TTLL10: variants seen among roughly 807,000 people sequenced by gnomAD.
TTLL10 encodes inactive polyglycylase TTLL10.
Under a neutral mutation model 69.0 loss-of-function variants are expected in TTLL10, and 61 were observed. That is an observed-to-expected ratio of 0.88 (90% CI 0.72 to 1.09). TTLL10 has a LOEUF of 1.09. Ranked by LOEUF, TTLL10 falls within the 50% of genes least tolerant of loss-of-function variation. TTLL10 has a pLI of 0.00. For missense variants in TTLL10, 962 were observed against 945.9 expected (o/e 1.02, Z -0.22); for synonymous variants, 408 against 393.3 (o/e 1.04, Z -0.44).
Position 1,195,055 on chromosome 1 carries a change from C to A in TTLL10, c.1402-1545C>A, listed in dbSNP as rs537719404. On this transcript the variant is annotated intron_variant, in intron 13 of 15. Transcript: ENST00000379289. Reference sequence around the variant, plus strand: ...CCAAGATGGAGTGCAGTGGTGCAATCTCAGCTCACTGCAGCCTCCTCCTTC... The same window carrying A: ...CCAAGATGGAGTGCAGTGGTGCAATATCAGCTCACTGCAGCCTCCTCCTTC... Among the ~76,000 whole-genome samples the A allele has an allele frequency of 2.0e-5, 3 of 152,298 alleles. No individual in the cohort carries two copies. The East Asian group carries it at 5.8e-4, about 29-fold the overall frequency.
intron 7 of TTLL10, 23 bp from the exon 8 acceptor site, chr1:1,180,708 G>T: frequency 6.3e-7 from 1 of 1,595,746 alleles, no homozygotes; most frequent in East Asian, 2.3e-5. Flanking sequence ...CCCTCCACAC[G>T]AGCCCTGGCC....
At chr1:1,180,665 A>T in intron 7 of TTLL10, 64 bp downstream of exon 7, 1 of 1,561,150 alleles carries the variant, frequency 6.4e-7, no homozygotes, top group Non-Finnish European at 8.7e-7. Flanking sequence ...AGCACAGGGC[A>T]GGTTGGAGGG....
At position 1,180,353 on chromosome 1, in the gene TTLL10, C is replaced by G; in HGVS notation, c.506+13C>G. On this transcript the variant is annotated intron_variant, in intron 6 of 15. Transcript: ENST00000379289. ...ACGGGGCCACAATGTGAGTAGCGGC[C>G]CTGGGCGCCCGTGGTCCCACTGAAT... is the stretch of plus-strand genomic sequence containing the variant. 6.4e-7 allele frequency: 1 copy of G among 1,551,488 alleles called. No individual in the cohort carries two copies. Among genetic ancestry groups the G allele is most frequent in the Non-Finnish European group, 8.7e-7 (1 of 1,147,756 alleles).
chr1:1,175,103 G>A (rs967679066), intron 3 of TTLL10: 2 of 157,270 alleles, frequency 1.3e-5, no homozygotes, highest in African/African-American at 4.8e-5. Flanking sequence ...GCGACAGAGT[G>A]AGACTTCGTC....
At chr1:1,177,456 C>A (rs533660569) in intron 3 of TTLL10, among the ~76,000 whole-genome samples, 1 of 152,160 alleles carries the variant, frequency 6.6e-6, no homozygotes, top group Admixed American at 6.5e-5. Flanking sequence ...GGACTACAGG[C>A]GCCCAACACC....
rs1648311251 is a variant in TTLL10 at position 1,197,463 on chromosome 1, G to A, written c.1638G>A (p.Lys546=). Residue 546 remains lysine, a synonymous_variant, in exon 16 of 16, where the codon AAG becomes AAA. Transcript: ENST00000379289. ...TLDLVLETFR[K]SLRGQKMLPL... ...ACCTGGTGCTCGAGACCTTCCGGAAGAGCCTGCGCGGCCAGAAGATGTTGC... is the reference window on the plus strand; with the variant it reads ...ACCTGGTGCTCGAGACCTTCCGGAAAAGCCTGCGCGGCCAGAAGATGTTGC... The A allele has an allele frequency of 6.5e-7, 1 of 1,539,546 alleles. No individual in the cohort carries two copies. Among genetic ancestry groups the A allele is most frequent in the Admixed American group, 2.0e-5 (1 of 50,220 alleles).
At chr1:1,194,189 G>T (rs570646412) in intron 13 of TTLL10, among the ~76,000 whole-genome samples, 6 of 152,048 alleles carry the variant, frequency 3.9e-5, no homozygotes, top group Admixed American at 1.3e-4. Flanking sequence ...AAACAATTCA[G>T]TTTTTTATTA....
chr1:1,184,241 G>GC (rs1206082813), intron 12 of TTLL10, 150 bp downstream of exon 12: 2 of 1,135,520 alleles, frequency 1.8e-6, no homozygotes, highest in Admixed American at 2.3e-5. Flanking sequence ...AGCCTGGGCT[G>GC]CCCCCGCTGG....
In TTLL10 at chr1:1,181,441, A is replaced by C. The variant is rs1647065313; in HGVS notation, c.756-300A>C. Among the ~76,000 whole-genome samples the C allele has an allele frequency of 1.3e-5, 2 of 151,004 alleles. No individual in the cohort carries two copies. Among genetic ancestry groups the C allele is most frequent in the African/African-American group, 2.4e-5 (1 of 41,018 alleles). ...TCTATGGACCCACCTATCCCTCCTC[A>C]CTTCATTTGGCCCAGACATTTTTGC... On this transcript the variant is annotated intron_variant, in intron 8 of 15. Transcript: ENST00000379289. The surrounding 1 kb of genome is among the most constrained non-coding windows in gnomAD (Gnocchi z 4.6).
At position 1,195,500 on chromosome 1, in the gene TTLL10, C is replaced by CTTTTTTTTTTTTTTTTTTTTTTTTTT. The variant is rs1168016636; in HGVS notation, c.1402-1082_1402-1081insTTTTTTTTTTTTTTTTTTTTTTTTTT. Among the ~76,000 whole-genome samples the CTTTTTTTTTTTTTTTTTTTTTTTTTT allele has an allele frequency of 3.8e-4, 38 of 98,758 alleles. 6 individuals carry two copies. In the East Asian group the frequency reaches 4.2e-3, roughly 11 times the overall value. The allele number at this position is 98,758 out of a possible 152,430, so 64.8% of individuals were successfully genotyped here. On this transcript the variant is annotated intron_variant, in intron 13 of 15. Coordinates refer to ENST00000379289, the MANE Select transcript of TTLL10 (RefSeq NM_001130045.2). The stretch of plus-strand genomic sequence containing the variant: ...TATTTGATAAGACATCATCGTCATA[C>CTTTTTTTTTTTTTTTTTTTTTTTTTT]TTTTTTTTTTTTTTTTTTAGTTTTA...
At position 1,197,703 on chromosome 1, in the gene TTLL10, C is replaced by T. The variant is rs1212060102; in HGVS notation, c.1878C>T (p.Gly626=). ...TGCCGCAGCGTCCCCGGCCACCCGGCCCCGACCTGGACAGCGCCCACGATG... is the reference window on the plus strand; with the variant it reads ...TGCCGCAGCGTCCCCGGCCACCCGGTCCCGACCTGGACAGCGCCCACGATG... ...PLVPQRPRPP[G]PDLDSAHDGE... is the part of the protein sequence containing the mutation. The change falls in exon 16 of 16, where the codon GGC becomes GGT. Residue 626 remains glycine, a synonymous_variant. Transcript: ENST00000379289. 6 of 1,519,608 alleles carry T rather than the reference C, an allele frequency of 3.9e-6. No individual in the cohort carries two copies. The highest frequency in any genetic ancestry group is 4.1e-5 in the Admixed American group (2 of 49,362). 94.1% of individuals were successfully genotyped at this position (1,519,608 alleles called of 1,614,324 possible).
At position 1,179,746 on chromosome 1, in the gene TTLL10, G is replaced by A; in HGVS notation, c.199+9G>A. The A allele has an allele frequency of 6.5e-7, 1 of 1,544,538 alleles. No homozygotes were observed. The highest frequency in any genetic ancestry group is 8.7e-7 in the Non-Finnish European group (1 of 1,144,356). On this transcript the variant is annotated intron_variant, in intron 5 of 15. Coordinates refer to ENST00000379289, the MANE Select transcript of TTLL10 (RefSeq NM_001130045.2). ...AGGCCACTGCCCTGTTGGTGAGGAGGGTCGGAGGGGCGACCTCCCTGCCCC... is the reference window on the plus strand; with the variant it reads ...AGGCCACTGCCCTGTTGGTGAGGAGAGTCGGAGGGGCGACCTCCCTGCCCC...
Position 1,196,626 on chromosome 1 carries a change from C to T in TTLL10, c.1428C>T (p.His476=). The T allele has an allele frequency of 1.9e-6, 3 of 1,551,780 alleles. No individual in the cohort carries two copies. Among genetic ancestry groups the T allele is most frequent in the Non-Finnish European group, 2.6e-6 (3 of 1,146,970 alleles). Residue 476 remains histidine, a synonymous_variant, in exon 14 of 16, where the codon CAC becomes CAT. Coordinates refer to ENST00000379289, the MANE Select transcript of TTLL10 (RefSeq NM_001130045.2). The part of the protein sequence containing the change: ...LKKRMQQIMA[H]CFLAAKPKLD... ...AGCGGATGCAGCAGATCATGGCCCACTGCTTTCTGGCCGCCAAGCCCAAGC... is the reference window on the plus strand; with the variant it reads ...AGCGGATGCAGCAGATCATGGCCCATTGCTTTCTGGCCGCCAAGCCCAAGC...
In TTLL10 at chr1:1,185,548, T is replaced by A. The variant is rs1434422638; in HGVS notation, c.1401+439T>A. 1 of 999,976 alleles carries A rather than the reference T, an allele frequency of 1.0e-6. No homozygotes were observed. The highest frequency in any genetic ancestry group is 1.2e-6 in the Non-Finnish European group (1 of 840,254). 61.9% of individuals were successfully genotyped at this position (999,976 alleles called of 1,614,324 possible). A position where few individuals can be genotyped will look rare whatever the true frequency, so the allele number is the denominator to read the frequency against. On this transcript the variant is annotated intron_variant, in intron 13 of 15. Coordinates refer to ENST00000379289, the MANE Select transcript of TTLL10 (RefSeq NM_001130045.2). The surrounding 1 kb of genome is among the most constrained non-coding windows in gnomAD (Gnocchi z 6.1). Reference sequence around the variant, plus strand: ...TAGCTAAGGGCCATGTGCGGTGGAGTGTCCTAATTTTGCAGGGTTCCTTTC... The same window carrying A: ...TAGCTAAGGGCCATGTGCGGTGGAGAGTCCTAATTTTGCAGGGTTCCTTTC...
chr1:1,188,063 A>C (rs976391292), intron 13 of TTLL10, among the ~76,000 whole-genome samples: 3 of 152,054 alleles, frequency 2.0e-5, no homozygotes, highest in African/African-American at 7.3e-5. Flanking sequence ...ATTCTCTTGC[A>C]TGTGGCTATC....
chr1:1,197,822 A>G lies in TTLL10; in HGVS notation c.1997A>G (p.Glu666Gly), dbSNP rs1232581322. Reference sequence around the variant, plus strand: ...CCGGGGACAGCCAAGGAGGAACGCGAGGAGCCTGAGAACGCGAGGCCCTAG... The same window carrying G: ...CCGGGGACAGCCAAGGAGGAACGCGGGGAGCCTGAGAACGCGAGGCCCTAG... ...PSPGTAKEER[E>G]EPENARP Residue 666 changes from glutamate to glycine, a missense_variant, in exon 16 of 16, where the codon GAG (glutamate) becomes GGG (glycine). Physicochemically the swap from Glu to Gly is moderately conservative, Grantham distance 98. Coordinates refer to ENST00000379289, the MANE Select transcript of TTLL10 (RefSeq NM_001130045.2). The G allele has an allele frequency of 1.2e-5, 18 of 1,508,132 alleles. No individual in the cohort carries two copies. The highest frequency in any genetic ancestry group is 1.5e-5 in the Non-Finnish European group (17 of 1,127,488). The allele number at this position is 1,508,132 out of a possible 1,614,324, so 93.4% of individuals were successfully genotyped here. A position where few individuals can be genotyped will look rare whatever the true frequency, so the allele number is the denominator to read the frequency against.
intron 3 of TTLL10, among the ~76,000 whole-genome samples, chr1:1,178,282 G>A (rs371018373): frequency 1.1e-4 from 17 of 152,122 alleles, no homozygotes; most frequent in Admixed American, 3.9e-4. Context: ...CACCTAAGCC[G>A]GGCACAGTGG....
At chr1:1,194,480 T>C (rs1305953141) in intron 13 of TTLL10, among the ~76,000 whole-genome samples, 1 of 152,248 alleles carries the variant, frequency 6.6e-6, no homozygotes, top group Admixed American at 6.5e-5. Context: ...CCAGTTACTG[T>C]CTAGTGTCTT....
At chr1:1,186,001 G>A (rs929340329) in intron 13 of TTLL10, 95 of 222,686 alleles carry the variant, frequency 4.3e-4, no homozygotes, top group African/African-American at 1.9e-3. Flanking sequence ...CCTGGTCACC[G>A]CTGATGGACC....
Sources: allele counts gnomAD v4.1 joint callset (sites outside exome capture counted in the v4.1 genomes callset), GRCh38; gene constraint gnomAD v4.1.1; non-coding constraint Gnocchi (gnomAD v3.1); transcripts MANE v1.5; gene names NCBI Gene and HGNC (gene_info 2026-07-23, HGNC 2026-07-21).